Variants in TRIQK observed in about 807,000 individuals in gnomAD.
TRIQK encodes triple QxxK/R motif containing.
Under a neutral mutation model 10.8 loss-of-function variants are expected in TRIQK, and 10 were observed. The observed-to-expected ratio is 0.92, with a 90% CI of 0.57 to 1.57. The LOEUF is 1.57. Ranked by LOEUF, TRIQK falls within the 40% of genes most tolerant of loss-of-function variation. The pLI is 0.00. For missense variants in TRIQK, 107 were observed against 97.7 expected, an observed-to-expected ratio of 1.09 and a Z score of -0.40; for synonymous variants, 33 against 33.7, an observed-to-expected ratio of 0.98 and a Z score of 0.07.
At chr8:92,909,729 C>G (rs960672805) in intron 3 of TRIQK, among the ~76,000 whole-genome samples, 2 of 151,284 alleles carry the variant, frequency 1.3e-5, no homozygotes, top group Non-Finnish European at 3.0e-5. Flanking sequence ...GCTAACCAAG[C>G]AAAAATTTAT....
At chr8:93,017,212 G>T (rs1480866977) in intron 1 of TRIQK, among the ~76,000 whole-genome samples, 1 of 150,650 alleles carries the variant, frequency 6.6e-6, no homozygotes, top group Non-Finnish European at 1.5e-5. Context: ...CTATTGCTCT[G>T]GGGAGAGTGG....
chr8:93,009,663 C>A (rs909840524), intron 1 of TRIQK, among the ~76,000 whole-genome samples: 1 of 151,612 alleles, frequency 6.6e-6, no homozygotes, highest in African/African-American at 2.4e-5. Flanking sequence ...AAAAAAGAAC[C>A]CTTACACAGG....
intron 1 of TRIQK, among the ~76,000 whole-genome samples, chr8:93,014,927 G>T (rs1426111293): frequency 2.0e-5 from 3 of 151,900 alleles, no homozygotes; most frequent in Non-Finnish European, 4.4e-5. Context: ...GATATAATCT[G>T]GTCATAATGT....
intron 1 of TRIQK, among the ~76,000 whole-genome samples, chr8:92,971,988 A>G (rs1025965422): frequency 2.0e-5 from 3 of 152,184 alleles, no homozygotes; most frequent in African/African-American, 4.8e-5. Context: ...TGATTTCCTG[A>G]TGAATCAACA....
At chr8:92,957,592 A>C (rs1586497470) in intron 1 of TRIQK, among the ~76,000 whole-genome samples, 1 of 151,928 alleles carries the variant, frequency 6.6e-6, no homozygotes, top group Non-Finnish European at 1.5e-5. Context: ...CATTGGTTTT[A>C]AATATCTAAG....
chr8:93,017,149 GA>G (rs1813392517), intron 1 of TRIQK, among the ~76,000 whole-genome samples: 1 of 104,816 alleles, frequency 9.5e-6, no homozygotes, highest in Non-Finnish European at 2.0e-5. Flanking sequence ...GAGAGAGAGA[GA>G]GAGAGAGAGA....
At chr8:93,009,771 C>T (rs1385718603) in intron 1 of TRIQK, among the ~76,000 whole-genome samples, 1 of 152,100 alleles carries the variant, frequency 6.6e-6, no homozygotes, top group African/African-American at 2.4e-5. Context: ...AGCAATACCA[C>T]TGCTGGGTTT....
intron 1 of TRIQK, chr8:92,964,798 A>C (rs1177797684): frequency 6.6e-6 from 1 of 152,040 alleles, no homozygotes; most frequent in Non-Finnish European, 1.5e-5. Context: ...TTAGGAAGGA[A>C]GGGCATATCC....
At chr8:92,931,301 C>A (rs908069808) in intron 2 of TRIQK, among the ~76,000 whole-genome samples, 2 of 152,022 alleles carry the variant, frequency 1.3e-5, no homozygotes, top group African/African-American at 4.8e-5. Flanking sequence ...TACATTGAAA[C>A]AAAACGTGAA....
At chr8:92,914,969 C>T (rs571495383) in intron 3 of TRIQK, among the ~76,000 whole-genome samples, 1 of 152,234 alleles carries the variant, frequency 6.6e-6, no homozygotes, top group African/African-American at 2.4e-5. Context: ...TAAGTGTCCA[C>T]AGACAGATGA....
At chr8:92,968,046 GT>G (rs1812832137), upstream of TRIQK, among the ~76,000 whole-genome samples, 1 of 151,934 alleles carries the variant, frequency 6.6e-6, no homozygotes, top group Admixed American at 6.6e-5. Flanking sequence ...ATAGCTTAAT[GT>G]AAAATTAAAA....
intron 3 of TRIQK, among the ~76,000 whole-genome samples, chr8:92,905,089 T>C (rs967402427): frequency 6.6e-6 from 1 of 152,156 alleles, no homozygotes; most frequent in Middle Eastern, 3.2e-3. Flanking sequence ...AACTTGTACA[T>C]GTAAATCGAT....
chr8:92,968,535 C>T (rs1210744862), upstream of TRIQK, among the ~76,000 whole-genome samples: 1 of 152,180 alleles, frequency 6.6e-6, no homozygotes, highest in African/African-American at 2.4e-5. Flanking sequence ...TTTTGATTTG[C>T]ATTTCTGTAA....
At chr8:92,899,488 T>C (rs1412344682) in intron 3 of TRIQK, among the ~76,000 whole-genome samples, 1 of 152,122 alleles carries the variant, frequency 6.6e-6, no homozygotes, top group African/African-American at 2.4e-5. Context: ...CACAAATAAG[T>C]GAGAAGATGC....
intron 1 of TRIQK, among the ~76,000 whole-genome samples, chr8:93,014,320 T>A (rs1813363156): frequency 1.3e-5 from 2 of 152,178 alleles, no homozygotes; most frequent in South Asian, 4.1e-4. Flanking sequence ...TAATGTAGAG[T>A]AATGATATAT....
At chr8:92,913,654 A>G (rs572007963) in intron 3 of TRIQK, among the ~76,000 whole-genome samples, 1 of 152,316 alleles carries the variant, frequency 6.6e-6, no homozygotes, top group South Asian at 2.1e-4. Context: ...ATTCTACTAT[A>G]AAGACACATC....
At position 92,885,396 on chromosome 8, in the gene TRIQK, A is replaced by G. The variant is rs1816423842; in HGVS notation, c.*1226T>C. 1 of 164,788 alleles carries G rather than the reference A, an allele frequency of 6.1e-6. No individual in the cohort carries two copies. The highest frequency in any genetic ancestry group is 1.3e-5 in the Non-Finnish European group (1 of 74,924). The allele number at this position is 164,788 out of a possible 1,614,324, so 10.2% of individuals were successfully genotyped here. A position where few individuals can be genotyped will look rare whatever the true frequency, so the allele number is the denominator to read the frequency against. On this transcript the variant is annotated 3_prime_UTR_variant, in exon 5 of 5. Transcript: ENST00000521988. Reference sequence around the variant, plus strand: ...ATAAATACAATGTATATAATATAAAACACTTTGTGCACATGTTTCCAACAA... The same window carrying G: ...ATAAATACAATGTATATAATATAAAGCACTTTGTGCACATGTTTCCAACAA...
intron 2 of TRIQK, among the ~76,000 whole-genome samples, chr8:92,925,851 T>C (rs1352373934): frequency 6.6e-6 from 1 of 152,328 alleles, no homozygotes. Flanking sequence ...CAGATATTTA[T>C]GTAAGAGAGA....
chr8:92,998,176 T>C (rs1258211376), intron 1 of TRIQK, among the ~76,000 whole-genome samples: 2 of 152,002 alleles, frequency 1.3e-5, no homozygotes, highest in African/African-American at 4.8e-5. Flanking sequence ...AGTGAACTCT[T>C]AGTAAATGTT....
Sources: gnomAD v4.1 joint callset for allele counts (sites outside exome capture counted in the v4.1 genomes callset) on GRCh38, gnomAD v4.1.1 for gene constraint, MANE v1.5 for transcripts, NCBI Gene and HGNC (gene_info 2026-07-23, HGNC 2026-07-21) for gene names.